The following DOCK2 variants were observed in gnomAD, a reference collection of about 807,000 sequenced individuals.
The protein encoded by DOCK2 is dedicator of cytokinesis protein 2.
A neutral mutation model predicts 248.9 loss-of-function variants in DOCK2; 87 were observed. That is an observed-to-expected ratio of 0.35 (90% CI 0.29 to 0.42). The LOEUF (loss-of-function observed/expected upper bound fraction) is 0.42. DOCK2 is among the 10% of genes least tolerant of loss of function. DOCK2 has a pLI of 1.00. For missense variants in DOCK2, 1,747 were observed against 2,300.2 expected (o/e 0.76, Z 4.92); for synonymous variants, 805 against 821.6 (o/e 0.98, Z 0.35).
intron 27 of DOCK2, among the ~76,000 whole-genome samples, chr5:169,977,609 G>T (rs780613982): frequency 1.3e-5 from 2 of 152,148 alleles, no homozygotes; most frequent in Non-Finnish European, 2.9e-5. Context: ...TTTGAACTCA[G>T]GCTTTCTGGC....
intron 27 of DOCK2, among the ~76,000 whole-genome samples, chr5:169,873,695 A>G (rs997236165): frequency 4.6e-5 from 7 of 152,234 alleles, no homozygotes; most frequent in African/African-American, 1.7e-4. Context: ...GACTGAGTGC[A>G]TATTGCATTT....
At chr5:169,725,858 A>AGT (rs1762444782) in intron 22 of DOCK2, among the ~76,000 whole-genome samples, 1 of 152,182 alleles carries the variant, frequency 6.6e-6, no homozygotes, top group African/African-American at 2.4e-5. Flanking sequence ...ATGGCTGCAT[A>AGT]GTATTCCATG....
rs142784755 is a variant in DOCK2, at chr5:169,857,454, C to T, written c.2799+16602C>T. ...AATGCCATGTAGACCTCAGGGATTA[C>T]AGGTGCACGACACCGTACCCGGCCC... On this transcript the variant is annotated intron_variant, in intron 27 of 51. Coordinates refer to ENST00000520908, the MANE Select transcript of DOCK2 (RefSeq NM_004946.3). 1.6e-3 allele frequency among the ~76,000 whole-genome samples: 241 copies of T among 152,304 alleles called. 1 individual carries two copies. The highest frequency in any genetic ancestry group is 5.3e-3 in the African/African-American group (221 of 41,544).
intron 30 of DOCK2, among the ~76,000 whole-genome samples, chr5:170,004,200 C>T (rs1013786884): frequency 5.3e-5 from 8 of 152,246 alleles, no homozygotes; most frequent in Middle Eastern, 3.4e-3. Flanking sequence ...AATAGATAAT[C>T]GAAATGAGTA....
chr5:169,942,560 C>T (rs915852174), intron 27 of DOCK2, among the ~76,000 whole-genome samples: 8 of 152,176 alleles, frequency 5.3e-5, no homozygotes, highest in Non-Finnish European at 8.8e-5. Flanking sequence ...TGTAATTTTC[C>T]CTCCCAAGTT....
At chr5:169,950,263 T>G (rs972047458) in intron 27 of DOCK2, among the ~76,000 whole-genome samples, 1 of 152,246 alleles carries the variant, frequency 6.6e-6, no homozygotes, top group Non-Finnish European at 1.5e-5. Flanking sequence ...TTAACCTTTC[T>G]GAGCCTCACT....
chr5:170,028,052 A>G, intron 34 of DOCK2, 104 bp downstream of exon 34: 1 of 978,442 alleles, frequency 1.0e-6, no homozygotes, highest in Non-Finnish European at 1.5e-6. Context: ...TCCCCTGGAG[A>G]TGGATCTAGA....
chr5:169,765,149 C>T (rs1764706398), intron 25 of DOCK2, among the ~76,000 whole-genome samples: 1 of 151,912 alleles, frequency 6.6e-6, no homozygotes, highest in Non-Finnish European at 1.5e-5. Flanking sequence ...GGCAATTAGC[C>T]TCAACTTTGA....
At chr5:170,077,941 C>A in intron 48 of DOCK2, 104 bp downstream of exon 48, 1 of 954,118 alleles carries the variant, frequency 1.0e-6, no homozygotes, top group Non-Finnish European at 1.6e-6. Flanking sequence ...CCTTTCCCTT[C>A]CTCCTTTCAG....
At chr5:170,044,076 G>A (rs750225024) in intron 38 of DOCK2, among the ~76,000 whole-genome samples, 41 of 152,294 alleles carry the variant, frequency 2.7e-4, no homozygotes, top group Non-Finnish European at 4.6e-4. Flanking sequence ...CTAGAAGGAA[G>A]CCCAAACTCC....
intron 23 of DOCK2, among the ~76,000 whole-genome samples, chr5:169,756,902 G>A (rs1354920167): frequency 6.7e-6 from 1 of 149,232 alleles, no homozygotes; most frequent in African/African-American, 2.5e-5. Flanking sequence ...TCTAGCCTGG[G>A]CAACAAGAGT....
At chr5:169,785,296 T>C (rs1194568787) in intron 25 of DOCK2, among the ~76,000 whole-genome samples, 1 of 152,232 alleles carries the variant, frequency 6.6e-6, no homozygotes, top group African/African-American at 2.4e-5. Flanking sequence ...TATTTTAAGA[T>C]ATTTTATACC....
intron 32 of DOCK2, among the ~76,000 whole-genome samples, chr5:170,013,554 C>T (rs1437440045): frequency 2.0e-5 from 3 of 151,826 alleles, no homozygotes; most frequent in Non-Finnish European, 4.4e-5. Flanking sequence ...AGGAAGGGGC[C>T]ATGAACCAAG....
At chr5:169,720,758 A>G (rs1004828740) in intron 22 of DOCK2, among the ~76,000 whole-genome samples, 3 of 152,086 alleles carry the variant, frequency 2.0e-5, no homozygotes, top group Admixed American at 6.5e-5. Context: ...CTGTCACTAG[A>G]GCAATGGCGC....
chr5:170,034,287 G>A (rs920172962), intron 34 of DOCK2, 112 bp from the exon 35 acceptor site: 2 of 1,335,478 alleles, frequency 1.5e-6, no homozygotes, highest in African/African-American at 1.5e-5. Flanking sequence ...GAGCAGTCAG[G>A]GAACTTGGGT....
chr5:169,674,009 C>T (rs1174546515), intron 5 of DOCK2, among the ~76,000 whole-genome samples: 2 of 152,226 alleles, frequency 1.3e-5, no homozygotes, highest in Admixed American at 1.3e-4. Flanking sequence ...ATGTTCGTAG[C>T]ATTCCTGTTC....
At chr5:169,938,183 C>T (rs933191570) in intron 27 of DOCK2, among the ~76,000 whole-genome samples, 2 of 152,170 alleles carry the variant, frequency 1.3e-5, no homozygotes, top group African/African-American at 2.4e-5. Flanking sequence ...TTACAGCTAC[C>T]GCACAGCTGC....
intron 33 of DOCK2, among the ~76,000 whole-genome samples, chr5:170,022,187 A>C (rs1323957452): frequency 1.3e-5 from 2 of 152,202 alleles, no homozygotes; most frequent in African/African-American, 4.8e-5. Context: ...GACACCCTTC[A>C]GCTGAGGCTT....
At chr5:170,021,341 T>G (rs1270764392) in intron 33 of DOCK2, among the ~76,000 whole-genome samples, 1 of 152,220 alleles carries the variant, frequency 6.6e-6, no homozygotes, top group African/African-American at 2.4e-5. Flanking sequence ...GGCAGTTTAC[T>G]TACCCTCAGA....
Sources: gnomAD v4.1 joint callset for allele counts (sites outside exome capture counted in the v4.1 genomes callset) on GRCh38, gnomAD v4.1.1 for gene constraint, MANE v1.5 for transcripts, NCBI Gene and HGNC (gene_info 2026-07-23, HGNC 2026-07-21) for gene names.